Variants in ROBO2 observed in about 807,000 individuals in gnomAD.
ROBO2 encodes the protein roundabout guidance receptor 2.
A neutral mutation model predicts 160.8 loss-of-function variants in ROBO2; 53 were observed. The ratio of observed to expected loss-of-function variants is 0.33; its 90% confidence interval spans 0.26 to 0.41. The LOEUF is 0.41. Ranked by LOEUF, ROBO2 falls within the 10% of genes least tolerant of loss-of-function variation. ROBO2 has a pLI of 1.00. For missense variants in ROBO2, 1,577 were observed against 1,722.4 expected, an observed-to-expected ratio of 0.92 and a Z score of 1.49; for synonymous variants, 664 against 611.7, an observed-to-expected ratio of 1.09 and a Z score of -1.26.
At chr3:76,141,257 G>A (rs1342159924) in intron 2 of ROBO2, among the ~76,000 whole-genome samples, 1 of 138,808 alleles carries the variant, frequency 7.2e-6, no homozygotes, top group Non-Finnish European at 1.5e-5. Context: ...AACATGAAAT[G>A]ATTCATGGAA....
At chr3:76,410,593 T>C (rs1190066287) in intron 2 of ROBO2, among the ~76,000 whole-genome samples, 1 of 152,176 alleles carries the variant, frequency 6.6e-6, no homozygotes, top group African/African-American at 2.4e-5. Context: ...TAATCTTTCT[T>C]TGCCTTATTT....
intron 1 of ROBO2, among the ~76,000 whole-genome samples, chr3:77,088,523 A>G (rs1424970011): frequency 6.6e-6 from 1 of 152,154 alleles, no homozygotes; most frequent in East Asian, 1.9e-4. Flanking sequence ...CGTAAGCATT[A>G]GCTATTTATT....
chr3:76,499,229 G>A (rs188751581), intron 2 of ROBO2, among the ~76,000 whole-genome samples: 21 of 152,190 alleles, frequency 1.4e-4, no homozygotes, highest in Admixed American at 1.4e-3. Context: ...CGCAACATAA[G>A]GCTTTGTATA....
intron 2 of ROBO2, among the ~76,000 whole-genome samples, chr3:76,033,891 G>A (rs2067012252): frequency 6.6e-6 from 1 of 152,180 alleles, no homozygotes; most frequent in African/African-American, 2.4e-5. Context: ...CTCCTTAATA[G>A]GAGATCCTGG....
intron 2 of ROBO2, among the ~76,000 whole-genome samples, chr3:76,746,404 T>G (rs1414398798): frequency 5.3e-5 from 8 of 152,030 alleles, no homozygotes; most frequent in Non-Finnish European, 2.9e-5. Context: ...CTGAGGAATC[T>G]CCACACTGAC....
chr3:76,971,857 G>A (rs2059588051), intron 2 of ROBO2, among the ~76,000 whole-genome samples: 1 of 152,186 alleles, frequency 6.6e-6, no homozygotes, highest in African/African-American at 2.4e-5. Flanking sequence ...AAGTCAGGAA[G>A]TGTGTGGCAA....
rs189337079 is a variant in ROBO2 at position 77,124,486 on chromosome 3, G to A, written c.388+26146G>A. ...CACAAATGCCAGGCATAGATATTTC[G>A]AAGACCATCCAGGAGTCAGTAGTAT... On this transcript the variant is annotated intron_variant, in intron 2 of 25. Coordinates refer to ENST00000461745, the Ensembl canonical transcript of ROBO2. Among the ~76,000 whole-genome samples, 468 of 152,198 alleles carry A rather than the reference G, an allele frequency of 3.1e-3. 4 individuals carry two copies. The highest frequency in any genetic ancestry group is 0.01 in the African/African-American group (430 of 41,528).
At chr3:76,530,980 T>C (rs2082195062) in intron 2 of ROBO2, among the ~76,000 whole-genome samples, 1 of 152,196 alleles carries the variant, frequency 6.6e-6, no homozygotes, top group Admixed American at 6.6e-5. Flanking sequence ...TCCTTCTTCA[T>C]TGCAGAAGCT....
intron 2 of ROBO2, among the ~76,000 whole-genome samples, chr3:76,763,072 C>T (rs2061392612): frequency 6.6e-6 from 1 of 151,630 alleles, no homozygotes; most frequent in South Asian, 2.1e-4. Flanking sequence ...CTATCTTAGT[C>T]TTTGTTAAAC....
At chr3:76,107,338 T>C (rs9827302) in intron 2 of ROBO2, among the ~76,000 whole-genome samples, 40,977 of 151,886 alleles carry the variant, frequency 0.27, 7,763 homozygotes, top group African/African-American at 0.54. Context: ...ACCTCTAGAC[T>C]GTACCATAGG....
chr3:75,944,739 T>A (rs1322224040), intron 2 of ROBO2, among the ~76,000 whole-genome samples: 1 of 152,214 alleles, frequency 6.6e-6, no homozygotes, highest in Non-Finnish European at 1.5e-5. Flanking sequence ...ATGAACTGTT[T>A]TGGATTTTCA....
intron 8 of ROBO2, 127 bp from the exon 10 acceptor site, chr3:77,557,817 A>G: frequency 2.7e-6 from 2 of 738,610 alleles, no homozygotes; most frequent in Non-Finnish European, 4.7e-6. Context: ...GAATATACAT[A>G]TTGCTTAGAA....
At chr3:76,269,890 A>G (rs1707328411) in intron 2 of ROBO2, among the ~76,000 whole-genome samples, 1 of 152,044 alleles carries the variant, frequency 6.6e-6, no homozygotes, top group Non-Finnish European at 1.5e-5. Context: ...AAAAGGATGG[A>G]TCTTTGCTTT....
At chr3:76,173,283 T>C (rs1039635718) in intron 2 of ROBO2, among the ~76,000 whole-genome samples, 3 of 152,044 alleles carry the variant, frequency 2.0e-5, no homozygotes, top group Non-Finnish European at 4.4e-5. Context: ...TACATACTTA[T>C]GTATCAAATT....
At chr3:76,914,518 G>C (rs1451333539) in intron 2 of ROBO2, among the ~76,000 whole-genome samples, 1 of 151,648 alleles carries the variant, frequency 6.6e-6, no homozygotes, top group African/African-American at 2.4e-5. Flanking sequence ...CACTAGTGTT[G>C]ACTTTTCTGA....
intron 2 of ROBO2, among the ~76,000 whole-genome samples, chr3:76,556,987 G>A (rs1160258771): frequency 1.3e-5 from 2 of 151,560 alleles, no homozygotes; most frequent in Non-Finnish European, 2.9e-5. Context: ...ACTACTTTTT[G>A]GACTAAAGAT....
chr3:76,185,215 T>TATATATATATATATATATATATATAC lies in ROBO2; in HGVS notation c.109+247614_109+247615insTATATATATATATATATATATATACA. 1.6e-3 allele frequency among the ~76,000 whole-genome samples: 141 copies of TATATATATATATATATATATATATAC among 90,232 alleles called. 1 individual carries two copies. Among genetic ancestry groups the TATATATATATATATATATATATATAC allele is most frequent in the South Asian group, 2.8e-3 (7 of 2,472 alleles). The allele number at this position is 90,232 out of a possible 152,430, so 59.2% of individuals were successfully genotyped here. A position where few individuals can be genotyped will look rare whatever the true frequency, so the allele number is the denominator to read the frequency against. The stretch of plus-strand genomic sequence containing the variant: ...ACACAGATATATATATATATATATA[T>TATATATATATATATATATATATATAC]ACACACACAAAGATGTTATATATAC... On this transcript the variant is annotated intron_variant, in intron 2 of 26. Transcript: ENST00000487694.
chr3:76,151,605 T>C (rs1516466), intron 2 of ROBO2, among the ~76,000 whole-genome samples: 3,362 of 152,252 alleles, frequency 0.022, 221 homozygotes, highest in East Asian at 0.21. Flanking sequence ...CTTTATATAG[T>C]TGAAAATTGT....
At chr3:76,283,542 A>G (rs1413752493) in intron 2 of ROBO2, among the ~76,000 whole-genome samples, 1 of 151,986 alleles carries the variant, frequency 6.6e-6, no homozygotes, top group Non-Finnish European at 1.5e-5. Flanking sequence ...AGGAATCTTT[A>G]CTTATCTAGC....
Sources: gnomAD v4.1 joint callset for allele counts (sites outside exome capture counted in the v4.1 genomes callset) on GRCh38, gnomAD v4.1.1 for gene constraint, MANE v1.5 for transcripts, NCBI Gene and HGNC (gene_info 2026-07-23, HGNC 2026-07-21) for gene names.